The following FRMPD3 variants were observed in gnomAD, a reference collection of about 807,000 sequenced individuals.
The protein encoded by FRMPD3 is FERM and PDZ domain-containing protein 3.
A neutral mutation model predicts 97.9 loss-of-function variants in FRMPD3; 42 were observed. The ratio of observed to expected loss-of-function variants is 0.43; its 90% CI spans 0.34 to 0.55. The LOEUF (loss-of-function observed/expected upper bound fraction) is 0.55. FRMPD3 is among the 20% of genes least tolerant of loss of function. The pLI is 0.03. For missense variants in FRMPD3, 1,303 were observed against 1,457.7 expected (o/e 0.89, Z 1.73); for synonymous variants, 577 against 581.1 (o/e 0.99, Z 0.10).
intron 5 of FRMPD3, among the ~76,000 whole-genome samples, chrX:107,547,798 A>G (rs1431636024): frequency 8.9e-6 from 1 of 111,918 alleles, no homozygotes; most frequent in Non-Finnish European, 1.9e-5. Context: ...CAGAGCAAAA[A>G]TAAATCCTGT....
In FRMPD3 at chrX:107,538,208, A is replaced by G. The variant is rs185346446; in HGVS notation, c.297+4658A>G. Among the ~76,000 whole-genome samples the G allele has an allele frequency of 2.3e-3, 262 of 111,634 alleles. 1 individual carries two copies. The highest frequency in any genetic ancestry group is 8.2e-3 in the African/African-American group (252 of 30,680). ...TTTTTACATTTTAACACCATAATTT[A>G]TGTGAAATATTGGAGCAACAGTTCA... On this transcript the variant is annotated intron_variant, in intron 4 of 14. Transcript: ENST00000683843.
chrX:107,460,397 A>ATT (rs111515532), intron 1 of FRMPD3, among the ~76,000 whole-genome samples: 32 of 102,196 alleles, frequency 3.1e-4, no homozygotes, highest in African/African-American at 1.1e-3. Flanking sequence ...TACCCAGAGG[A>ATT]TTTTTTTTTT....
At position 107,601,862 on chromosome X, in the gene FRMPD3, C is replaced by T. The variant is rs763109659; in HGVS notation, c.3823C>T (p.Arg1275Cys). ...GTACCTGCAACCTCCAGCACCTGGC[C>T]GCTGCAGCTGCCAGCTCCGCAGCAG... Reference protein sequence around the residue: ...TEYLQPPAPGRCSCQLRSSPV... With the variant: ...TEYLQPPAPGCCSCQLRSSPV... Residue 1275 changes from arginine to cysteine, a missense_variant, in exon 15 of 15, where the codon CGC (arginine) becomes TGC (cysteine). This residue lies in a region of FRMPD3 where 764 missense variants were observed against 820.2 expected (regional missense o/e 0.93). Transcript: ENST00000683843. 9.9e-5 allele frequency: 119 copies of T among 1,207,199 alleles called. No individual in the cohort carries two copies. Among genetic ancestry groups the T allele is most frequent in the Middle Eastern group, 4.6e-4 (2 of 4,343 alleles).
At chrX:107,522,430 T>C (rs920737545) in intron 1 of FRMPD3, 1 of 557,820 alleles carries the variant, frequency 1.8e-6, no homozygotes. Flanking sequence ...CTGCTGACTG[T>C]AGGGTTGGGG....
chrX:107,577,965 G>A (rs191350685), intron 13 of FRMPD3, among the ~76,000 whole-genome samples: 202 of 111,738 alleles, frequency 1.8e-3, no homozygotes, highest in African/African-American at 6.0e-3. Flanking sequence ...AGAAACCAGG[G>A]GGCTGAGTTG....
chrX:107,573,401 C>A (rs1244201351), intron 12 of FRMPD3, among the ~76,000 whole-genome samples: 1 of 111,770 alleles, frequency 8.9e-6, no homozygotes, highest in Non-Finnish European at 1.9e-5. Flanking sequence ...ACAGTGGCAG[C>A]AAGACAGCAA....
At chrX:107,529,210 G>A (rs1235549933) in intron 2 of FRMPD3, among the ~76,000 whole-genome samples, 1 of 111,841 alleles carries the variant, frequency 8.9e-6, no homozygotes, top group Non-Finnish European at 1.9e-5. Flanking sequence ...TAGCCTTGTG[G>A]TATCCCTCTA....
At chrX:107,511,446 G>T (rs1449083590) in intron 1 of FRMPD3, among the ~76,000 whole-genome samples, 1 of 112,705 alleles carries the variant, frequency 8.9e-6, no homozygotes, top group Non-Finnish European at 1.9e-5. Flanking sequence ...GGGGAAGTCA[G>T]TAACCTCCAA....
At chrX:107,528,334 CAGT>C (rs1408952524) in intron 2 of FRMPD3, among the ~76,000 whole-genome samples, 1 of 111,269 alleles carries the variant, frequency 9.0e-6, no homozygotes, top group Non-Finnish European at 1.9e-5. Flanking sequence ...TTTGTGAAAG[CAGT>C]AGTAGACTGA....
chrX:107,581,633 G>C (rs1431392931), intron 13 of FRMPD3, among the ~76,000 whole-genome samples: 1 of 111,322 alleles, frequency 9.0e-6, no homozygotes, highest in Non-Finnish European at 1.9e-5. Flanking sequence ...AACAAACTCT[G>C]TACCCATTAG....
intron 8 of FRMPD3, among the ~76,000 whole-genome samples, chrX:107,557,220 T>C (rs945993761): frequency 1.5e-4 from 17 of 111,680 alleles, no homozygotes; most frequent in African/African-American, 5.5e-4. Flanking sequence ...TCCTAATGAC[T>C]AATGATGTTG....
At chrX:107,497,909 G>T (rs749673147) in intron 1 of FRMPD3, among the ~76,000 whole-genome samples, 1 of 111,883 alleles carries the variant, frequency 8.9e-6, no homozygotes, top group African/African-American at 3.3e-5. Context: ...GGATGTGTGT[G>T]TGTGTGCATG....
intron 5 of FRMPD3, among the ~76,000 whole-genome samples, chrX:107,547,306 C>T (rs1442346320): frequency 9.0e-6 from 1 of 110,767 alleles, no homozygotes; most frequent in Admixed American, 9.6e-5. Flanking sequence ...CAAGGGCAGG[C>T]CACCCAGTGA....
At chrX:107,545,229 G>A (rs1309822525) in intron 4 of FRMPD3, 2 of 112,084 alleles carry the variant, frequency 1.8e-5, no homozygotes, top group Non-Finnish European at 3.7e-5. Context: ...TGTAGTAACT[G>A]TGGATAAATC....
intron 1 of FRMPD3, among the ~76,000 whole-genome samples, chrX:107,472,131 C>T (rs929127704): frequency 1.1e-4 from 12 of 112,167 alleles, no homozygotes; most frequent in African/African-American, 3.9e-4. Context: ...CCTTTGCCCA[C>T]TTTTTGATGG....
At chrX:107,477,691 C>T (rs932760304) in intron 1 of FRMPD3, among the ~76,000 whole-genome samples, 5 of 112,153 alleles carry the variant, frequency 4.5e-5, no homozygotes, top group African/African-American at 1.6e-4. Context: ...GGCTGGGACT[C>T]TAGACTTTCT....
At chrX:107,589,230 T>G (rs1394585533) in intron 13 of FRMPD3, among the ~76,000 whole-genome samples, 2 of 110,806 alleles carry the variant, frequency 1.8e-5, no homozygotes, top group Non-Finnish European at 3.8e-5. Flanking sequence ...GTTTCGATCT[T>G]TGAAGCCTCA....
chrX:107,574,663 A>G (rs1160716154), intron 12 of FRMPD3, among the ~76,000 whole-genome samples: 1 of 112,507 alleles, frequency 8.9e-6, no homozygotes, highest in Non-Finnish European at 1.9e-5. Flanking sequence ...GCCCAAGGTA[A>G]TGGTGATTCA....
Position 107,528,335 on chromosome X carries a change from A to G in FRMPD3, c.148+1599A>G, listed in dbSNP as rs185400759. 5.4e-5 allele frequency among the ~76,000 whole-genome samples: 6 copies of G among 111,782 alleles called. No individual in the cohort carries two copies. In the East Asian group the frequency reaches 1.7e-3, roughly 32 times the overall value. On this transcript the variant is annotated intron_variant, in intron 2 of 14. Coordinates refer to ENST00000683843, the MANE Select transcript of FRMPD3 (RefSeq NM_001388459.1). ...AAGCCAACAAACCATTTGTGAAAGC[A>G]GTAGTAGACTGATGTTACCGGTACC...
Sources: gnomAD v4.1 joint callset for allele counts (sites outside exome capture counted in the v4.1 genomes callset) on GRCh38, gnomAD v4.1.1 for gene constraint, gnomAD v4.1.1 regional missense constraint, MANE v1.5 for transcripts, NCBI Gene and HGNC (gene_info 2026-07-23, HGNC 2026-07-21) for gene names.